Variants in ASPM observed in about 807,000 individuals in gnomAD.
ASPM encodes the protein assembly factor for spindle microtubules.
Under a neutral mutation model 366.4 loss-of-function variants are expected in ASPM, and 256 were observed. The ratio of observed to expected loss-of-function variants is 0.70; its 90% CI spans 0.63 to 0.77. ASPM has a LOEUF of 0.77. Ranked by LOEUF, ASPM falls within the 30% of genes least tolerant of loss-of-function variation. The pLI, the probability that ASPM is intolerant of heterozygous loss-of-function variation, is 0.00. For synonymous variants in ASPM, 1,414 were observed against 1,342.9 expected (o/e 1.05, Z -1.16); for missense variants, 4,146 against 4,090.4 (o/e 1.01, Z -0.37).
intron 16 of ASPM, among the ~76,000 whole-genome samples, chr1:197,121,701 G>A (rs1657908531): frequency 1.3e-5 from 2 of 152,038 alleles, no homozygotes; most frequent in South Asian, 4.1e-4. Context: ...TAGGTGAAGG[G>A]GTGGACAGAC....
chr1:197,092,159 A>T (rs912067479), intron 21 of ASPM, 103 bp from the exon 22 acceptor site: 53 of 1,086,048 alleles, frequency 4.9e-5, no homozygotes, highest in Admixed American at 1.8e-4. Flanking sequence ...TAAACTAGCA[A>T]GAATAAACTA....
chr1:197,143,784 C>A lies in ASPM; in HGVS notation c.468G>T (p.Lys156Asn). 6.2e-7 allele frequency: 1 copy of A among 1,611,796 alleles called. No homozygotes were observed. Among genetic ancestry groups the A allele is most frequent in the South Asian group, 1.1e-5 (1 of 90,156 alleles). Residue 156 changes from lysine to asparagine, a missense_variant, in exon 3 of 28, where the codon AAG becomes AAT. Physicochemically the swap from Lys to Asn is moderately conservative, Grantham distance 94. Transcript: ENST00000367409. ...KKRSLWDTIK[K>N]KKISASTSHN... ...GACTTGTAGAGGCTGAAATTTTCTTCTTTTTAATGGTATCCCAAAGACTCC... is the reference window on the plus strand; with the variant it reads ...GACTTGTAGAGGCTGAAATTTTCTTATTTTTAATGGTATCCCAAAGACTCC...
intron 7 of ASPM, 102 bp from the exon 8 acceptor site, chr1:197,130,158 T>C (rs1223586160): frequency 1.6e-6 from 2 of 1,214,366 alleles, no homozygotes; most frequent in Non-Finnish European, 2.4e-6. Context: ...CTGGCAATGT[T>C]CTACTTTCTA....
At chr1:197,129,075 G>GTA in intron 9 of ASPM, 112 bp downstream of exon 9, 4 of 1,230,952 alleles carry the variant, frequency 3.2e-6, no homozygotes, top group Non-Finnish European at 4.6e-6. Context: ...ACTCCTCTGA[G>GTA]TATTATTCTT....
intron 17 of ASPM, among the ~76,000 whole-genome samples, chr1:197,109,855 T>A (rs1476476164): frequency 6.6e-6 from 1 of 152,006 alleles, no homozygotes; most frequent in Admixed American, 6.6e-5. Context: ...AAAGCAATAC[T>A]ATTTATAATA....
chr1:197,107,744 T>C (rs931925975), intron 17 of ASPM, among the ~76,000 whole-genome samples: 4 of 152,210 alleles, frequency 2.6e-5, no homozygotes, highest in South Asian at 2.1e-4. Flanking sequence ...GTGAGAATAG[T>C]AGAACCGAAA....
intron 26 of ASPM, among the ~76,000 whole-genome samples, chr1:197,088,020 G>GA (rs1475271862): frequency 6.6e-6 from 1 of 152,120 alleles, no homozygotes; most frequent in Non-Finnish European, 1.5e-5. Flanking sequence ...TAGTAAATGG[G>GA]AAATGGTTAC....
chr1:197,084,973 GTTC>G (rs1245060766), intron 27 of ASPM, among the ~76,000 whole-genome samples: 4 of 145,838 alleles, frequency 2.7e-5, no homozygotes, highest in Non-Finnish European at 6.1e-5. Flanking sequence ...CATTGAACCA[GTTC>G]TTCTACCCCA....
intron 18 of ASPM, among the ~76,000 whole-genome samples, chr1:197,099,914 T>A (rs1054328417): frequency 6.6e-6 from 1 of 151,640 alleles, no homozygotes; most frequent in African/African-American, 2.4e-5. Flanking sequence ...GATAATACTG[T>A]ACATTCCTCA....
At chr1:197,108,837 G>A (rs1399609142) in intron 17 of ASPM, among the ~76,000 whole-genome samples, 4 of 151,788 alleles carry the variant, frequency 2.6e-5, no homozygotes, top group African/African-American at 4.8e-5. Flanking sequence ...TGAGTGTGGT[G>A]GTACATGCCT....
intron 19 of ASPM, among the ~76,000 whole-genome samples, chr1:197,095,764 A>G (rs894391448): frequency 1.0e-4 from 5 of 49,598 alleles, no homozygotes; most frequent in African/African-American, 1.6e-4. Context: ...TTAATCAAGT[A>G]TATAATATTT....
Position 197,103,048 on chromosome 1 carries a change from G to A in ASPM, c.6203C>T (p.Ala2068Val). The A allele has an allele frequency of 6.2e-7, 1 of 1,612,092 alleles. No homozygotes were observed. The highest frequency in any genetic ancestry group is 8.5e-7 in the Non-Finnish European group (1 of 1,178,996). The change falls in exon 18 of 28, where the codon GCT becomes GTT. Residue 2068 changes from alanine (A) to valine (V), a missense_variant. Physicochemically the swap from Ala to Val is moderately conservative, Grantham distance 64 (BLOSUM62 0). This residue lies in a region of ASPM where 3,624 missense variants were observed against 3,591.7 expected (regional missense o/e 1.01). Transcript: ENST00000367409. Reference sequence around the variant, plus strand: ...CCATCTCTGAATTATAATAGCTGAAGCTCTATAGGTTGCATATTTCTTTTT... The same window carrying A: ...CCATCTCTGAATTATAATAGCTGAAACTCTATAGGTTGCATATTTCTTTTT... ...KTKKKYATYR[A>V]SAIIIQRWYR...
intron 6 of ASPM, among the ~76,000 whole-genome samples, chr1:197,132,892 G>A (rs1272163080): frequency 6.6e-6 from 1 of 151,972 alleles, no homozygotes; most frequent in Non-Finnish European, 1.5e-5. Flanking sequence ...AACAAATACT[G>A]TATGATCTCA....
chr1:197,091,802 G>T, intron 22 of ASPM, 105 bp downstream of exon 22: 1 of 1,215,780 alleles, frequency 8.2e-7, no homozygotes, highest in Non-Finnish European at 1.2e-6. Flanking sequence ...AAGGCTAAAT[G>T]TTGTACGACC....
Position 197,086,607 on chromosome 1 carries a change from TC to T in ASPM, c.10331+195del, listed in dbSNP as rs778753247. Reference sequence around the variant, plus strand: ...AAGTTTGTTGAATAACTATTAAATGTCCAAAGCTACAGTATAATGTTATTTC... The same window carrying T: ...AAGTTTGTTGAATAACTATTAAATGTCAAAGCTACAGTATAATGTTATTTC... On this transcript the variant is annotated intron_variant, in intron 27 of 27. Transcript: ENST00000367409. 9.2e-5 allele frequency among the ~76,000 whole-genome samples: 14 copies of T among 152,350 alleles called. No individual in the cohort carries two copies. In the South Asian group the frequency reaches 1.7e-3, roughly 18 times the overall value.
intron 17 of ASPM, among the ~76,000 whole-genome samples, chr1:197,109,957 AC>A (rs1340983839): frequency 6.6e-6 from 1 of 152,122 alleles, no homozygotes; most frequent in African/African-American, 2.4e-5. Context: ...GATATGTATC[AC>A]CTTTATGAAT....
chr1:197,142,677 C>A lies in ASPM; in HGVS notation c.1575G>T (p.Val525=), dbSNP rs763554250. ...TATTTATTACTTTTTCATGTTCACCCACTGCACTGTTGAGACATCTTTTTG... is the reference window on the plus strand; with the variant it reads ...TATTTATTACTTTTTCATGTTCACCAACTGCACTGTTGAGACATCTTTTTG... ...PKAKRCLNSA[V]GEHEKVINNQ... Residue 525 remains valine (V), a synonymous_variant, in exon 3 of 28, where the codon GTG becomes GTT. Transcript: ENST00000367409. 2.5e-6 allele frequency: 4 copies of A among 1,613,656 alleles called. No individual in the cohort carries two copies. The highest frequency in any genetic ancestry group is 3.4e-6 in the Non-Finnish European group (4 of 1,179,672).
chr1:197,126,244 C>T (rs777566188), intron 10 of ASPM, among the ~76,000 whole-genome samples: 50 of 152,040 alleles, frequency 3.3e-4, no homozygotes, highest in Non-Finnish European at 5.4e-4. Context: ...AGTTCAAGAC[C>T]AGCCTGACCA....
intron 13 of ASPM, among the ~76,000 whole-genome samples, chr1:197,122,964 G>T (rs529050542): frequency 1.3e-5 from 2 of 152,228 alleles, no homozygotes; most frequent in South Asian, 4.1e-4. Flanking sequence ...TTGAACCATT[G>T]CATAGAGGAG....
Sources: allele counts gnomAD v4.1 joint callset (sites outside exome capture counted in the v4.1 genomes callset), GRCh38; gene constraint gnomAD v4.1.1; regional missense constraint gnomAD v4.1.1; transcripts MANE v1.5; gene names NCBI Gene and HGNC (gene_info 2026-07-23, HGNC 2026-07-21).